The following ABI2 variants were observed in gnomAD, a reference collection of about 807,000 sequenced individuals.
ABI2 encodes abelson interactor 2.
A neutral mutation model predicts 59.2 loss-of-function variants in ABI2; 25 were observed. The observed-to-expected ratio is 0.42, with a 90% CI of 0.31 to 0.59. ABI2 has a LOEUF of 0.59. Ranked by LOEUF, ABI2 falls within the 20% of genes least tolerant of loss-of-function variation. The pLI, the probability that ABI2 is intolerant of heterozygous loss-of-function variation, is 0.14. For missense variants in ABI2, 545 were observed against 681.8 expected, an observed-to-expected ratio of 0.80 and a Z score of 2.23; for synonymous variants, 213 against 235.5, an observed-to-expected ratio of 0.90 and a Z score of 0.87.
chr2:203,413,063 A>G (rs891721071), intron 10 of ABI2, among the ~76,000 whole-genome samples: 3 of 152,162 alleles, frequency 2.0e-5, no homozygotes, highest in South Asian at 2.1e-4. Context: ...TGTTTTTACT[A>G]TTGTGATGAG....
At chr2:203,368,888 C>T (rs2094788073) in intron 2 of ABI2, among the ~76,000 whole-genome samples, 1 of 150,764 alleles carries the variant, frequency 6.6e-6, no homozygotes, top group Non-Finnish European at 1.5e-5. Context: ...ACAATCATGG[C>T]TCACTGCAAC....
intron 5 of ABI2, among the ~76,000 whole-genome samples, chr2:203,392,287 C>CCAA (rs1191789157): frequency 2.3e-5 from 2 of 88,254 alleles, no homozygotes; most frequent in Admixed American, 2.4e-4. Context: ...ACCACCACCA[C>CCAA]CACCACCACC....
intron 10 of ABI2, among the ~76,000 whole-genome samples, chr2:203,414,299 G>A (rs537872056): frequency 1.8e-4 from 27 of 151,932 alleles, no homozygotes; most frequent in Admixed American, 1.2e-3. Flanking sequence ...ACGGGGTTTC[G>A]CCATATTGGC....
intron 1 of ABI2, among the ~76,000 whole-genome samples, chr2:203,331,525 A>C (rs1291209686): frequency 6.6e-6 from 1 of 151,266 alleles, no homozygotes; most frequent in African/African-American, 2.4e-5. Context: ...TGCCTGGCTA[A>C]TTTTTGTATT....
At position 203,340,824 on chromosome 2, in the gene ABI2, G is replaced by GA. The variant is rs141648538; in HGVS notation, c.117+12203dup. On this transcript the variant is annotated intron_variant, in intron 1 of 11. Coordinates refer to ENST00000261018, the MANE Select transcript of ABI2 (RefSeq NM_001375670.1). ...TTGTCAGTTATACCTCAGCAAAGCTGAAAAAAAAAACCCAAAGCAAACTGA... is the reference window on the plus strand; with the variant it reads ...TTGTCAGTTATACCTCAGCAAAGCTGAAAAAAAAAAACCCAAAGCAAACTGA... Among the ~76,000 whole-genome samples the GA allele has an allele frequency of 4.0e-3, 591 of 147,364 alleles. 9 individuals are homozygous for GA. Among genetic ancestry groups the GA allele is most frequent in the East Asian group, 0.02 (101 of 5,050 alleles).
intron 2 of ABI2, chr2:203,367,268 C>T: frequency 2.1e-6 from 1 of 484,100 alleles, no homozygotes; most frequent in Non-Finnish European, 3.1e-6. Flanking sequence ...TATTAAAACT[C>T]AGTTGTCATG....
At chr2:203,366,666 A>G (rs1267634837) in intron 1 of ABI2, among the ~76,000 whole-genome samples, 1 of 152,204 alleles carries the variant, frequency 6.6e-6, no homozygotes, top group Non-Finnish European at 1.5e-5. Context: ...CTGTGCAAAG[A>G]TGTGTCTATT....
Position 203,385,151 on chromosome 2 carries a change from T to TTTTTTC in ABI2, c.480+2946_480+2947insTTTTCT. Among the ~76,000 whole-genome samples, 2 of 54,576 alleles carry TTTTTTC rather than the reference T, an allele frequency of 3.7e-5. 1 individual carries two copies. Among genetic ancestry groups the TTTTTTC allele is most frequent in the Non-Finnish European group, 1.1e-4 (2 of 18,528 alleles). The allele number at this position is 54,576 out of a possible 152,430, so 35.8% of individuals were successfully genotyped here. On this transcript the variant is annotated intron_variant, in intron 4 of 11. Transcript: ENST00000261018. ...CCCGGCTCAGATTCTTTTTTTTTTT[T>TTTTTTC]TGAGACAGTCTTGCCGTTGCCCAGG...
intron 8 of ABI2, among the ~76,000 whole-genome samples, chr2:203,399,166 A>G (rs542099258): frequency 2.0e-5 from 3 of 152,302 alleles, no homozygotes; most frequent in South Asian, 2.1e-4. Flanking sequence ...TCCCAGCAGC[A>G]ATGTGTGAGT....
chr2:203,331,673 T>TATA (rs1553526206), intron 1 of ABI2, among the ~76,000 whole-genome samples: 1 of 151,966 alleles, frequency 6.6e-6, no homozygotes, highest in East Asian at 1.9e-4. Context: ...TTAGCCTTAT[T>TATA]ATAGCATCAT....
chr2:203,385,138 TC>T (rs1027269217), intron 4 of ABI2, among the ~76,000 whole-genome samples: 2 of 55,404 alleles, frequency 3.6e-5, no homozygotes, highest in African/African-American at 9.3e-5. Flanking sequence ...CGGCTCAGAT[TC>T]TTTTTTTTTT....
intron 5 of ABI2, 133 bp from the exon 6 acceptor site, chr2:203,394,567 T>C: frequency 1.2e-6 from 1 of 824,382 alleles, no homozygotes; most frequent in Non-Finnish European, 1.9e-6. Flanking sequence ...AAGACTGAAA[T>C]TGGTAGCTGG....
intron 8 of ABI2, among the ~76,000 whole-genome samples, chr2:203,399,390 TA>T (rs1348533468): frequency 6.6e-6 from 1 of 152,242 alleles, no homozygotes; most frequent in Non-Finnish European, 1.5e-5. Flanking sequence ...CTCACCTTTT[TA>T]ATAGGGTTTT....
chr2:203,419,544 A>ATT (rs78060075), intron 11 of ABI2, among the ~76,000 whole-genome samples: 7 of 123,876 alleles, frequency 5.7e-5, no homozygotes, highest in South Asian at 2.6e-4. Context: ...AATTTTTTGT[A>ATT]TTTTTTTTTT....
intron 11 of ABI2, among the ~76,000 whole-genome samples, chr2:203,425,543 T>TA (rs1285902620): frequency 1.3e-5 from 2 of 152,188 alleles, no homozygotes; most frequent in African/African-American, 2.4e-5. Flanking sequence ...TGTCTTTCCT[T>TA]AAAAAAACAC....
intron 1 of ABI2, among the ~76,000 whole-genome samples, chr2:203,343,529 G>T (rs1274384413): frequency 2.0e-5 from 3 of 151,984 alleles, no homozygotes; most frequent in African/African-American, 7.3e-5. Flanking sequence ...ATAGAGATGG[G>T]GTTGCTCAGG....
chr2:203,429,753 CA>C lies in ABI2; in HGVS notation c.*2418del, dbSNP rs71408936. Reference sequence around the variant, plus strand: ...GCCTGGTGACAGAGCGAGACTCCATCAAAAAAAAAAAAAAAAAGTTCCCACA... The same window carrying C: ...GCCTGGTGACAGAGCGAGACTCCATCAAAAAAAAAAAAAAAAGTTCCCACA... On this transcript the variant is annotated 3_prime_UTR_variant, in exon 12 of 12. Coordinates refer to ENST00000261018, the MANE Select transcript of ABI2 (RefSeq NM_001375670.1). 1.2e-3 allele frequency: 151 copies of C among 130,282 alleles called. No homozygotes were observed. The highest frequency in any genetic ancestry group is 1.4e-3 in the Admixed American group (18 of 12,840). The allele number at this position is 130,282 out of a possible 1,614,324, so 8.1% of individuals were successfully genotyped here. A position where few individuals can be genotyped will look rare whatever the true frequency, so the allele number is the denominator to read the frequency against.
At chr2:203,337,346 A>G (rs1272881812) in intron 1 of ABI2, among the ~76,000 whole-genome samples, 1 of 152,242 alleles carries the variant, frequency 6.6e-6, no homozygotes, top group Non-Finnish European at 1.5e-5. Flanking sequence ...GTTTCTACAT[A>G]TTAACTACAA....
chr2:203,345,628 C>G (rs569203665), intron 1 of ABI2, among the ~76,000 whole-genome samples: 2 of 152,046 alleles, frequency 1.3e-5, no homozygotes, highest in East Asian at 4.0e-4. Flanking sequence ...AGTCTGGTCT[C>G]GAACTCCTGA....
Sources: allele counts gnomAD v4.1 joint callset (sites outside exome capture counted in the v4.1 genomes callset), GRCh38; gene constraint gnomAD v4.1.1; transcripts MANE v1.5; gene names NCBI Gene and HGNC (gene_info 2026-07-23, HGNC 2026-07-21).